The following ABCC3 variants were observed in gnomAD, a reference collection of about 807,000 sequenced individuals.
ABCC3 encodes the protein ATP binding cassette subfamily C member 3.
A neutral mutation model predicts 165.3 loss-of-function variants in ABCC3; 121 were observed. That is an observed-to-expected ratio of 0.73 (90% CI 0.63 to 0.85). The LOEUF (loss-of-function observed/expected upper bound fraction) is 0.85. ABCC3 is among the 40% of genes least tolerant of loss of function. The probability of loss-of-function intolerance (pLI) is 0.00; values close to 1 mark genes in which losing one functional copy is unlikely to be tolerated. For synonymous variants in ABCC3, 733 were observed against 810.1 expected (o/e 0.90, Z 1.62); for missense variants, 1,869 against 1,964.1 (o/e 0.95, Z 0.92).
Position 50,656,798 on chromosome 17 carries a change from G to T in ABCC3, c.319G>T (p.Val107Phe), listed in dbSNP as rs1376253969. The T allele has an allele frequency of 6.2e-7, 1 of 1,613,050 alleles. No homozygotes were observed. Among genetic ancestry groups the T allele is most frequent in the Non-Finnish European group, 8.5e-7 (1 of 1,179,688 alleles). ...HGRAPAPVFF[V>F]TPLVVGVTML... ...CCGGGCCCCTGCCCCTGTTTTCTTT[G>T]TCACCCCCTTGGTGGTGGGGGTCAC... The change falls in exon 3 of 31, where the codon GTC (valine) becomes TTC (phenylalanine). Residue 107 changes from valine (V) to phenylalanine (F), a missense_variant. Coordinates refer to ENST00000285238, the MANE Select transcript of ABCC3 (RefSeq NM_003786.4).
Position 50,659,285 on chromosome 17 carries a change from G to T in ABCC3, c.723G>T (p.Trp241Cys). 6.2e-7 allele frequency: 1 copy of T among 1,613,998 alleles called. No homozygotes were observed. Among genetic ancestry groups the T allele is most frequent in the East Asian group, 2.2e-5 (1 of 44,882 alleles). The change falls in exon 7 of 31, where the codon TGG (tryptophan) becomes TGT (cysteine). Residue 241 changes from tryptophan (W) to cysteine (C), a missense_variant. Coordinates refer to ENST00000285238, the MANE Select transcript of ABCC3 (RefSeq NM_003786.4). The part of the protein sequence containing the change: ...YRHPLEEKDL[W>C]SLKEEDRSQM... ...ATCCCCTGGAGGAGAAGGACCTCTG[G>T]TCCCTAAAGGAAGAGGACAGATCCC...
intron 8 of ABCC3, chr17:50,663,310 G>A (rs996213750): frequency 7.8e-5 from 19 of 244,372 alleles, no homozygotes; most frequent in East Asian, 1.9e-4. Context: ...GTCATGTGGC[G>A]GAATCTAGAG....
At chr17:50,642,808 C>T (rs1966917055) in intron 1 of ABCC3, among the ~76,000 whole-genome samples, 1 of 152,236 alleles carries the variant, frequency 6.6e-6, no homozygotes, top group African/African-American at 2.4e-5. Flanking sequence ...CCCACCATGT[C>T]CCCACGCCTG....
intron 17 of ABCC3, among the ~76,000 whole-genome samples, chr17:50,672,414 C>T (rs949276419): frequency 6.6e-6 from 1 of 152,140 alleles, no homozygotes; most frequent in African/African-American, 2.4e-5. Context: ...CCCATTTATC[C>T]GTAGATGGGT....
chr17:50,689,158 C>T (rs557063796), intron 30 of ABCC3, among the ~76,000 whole-genome samples: 1 of 152,282 alleles, frequency 6.6e-6, no homozygotes, highest in South Asian at 2.1e-4. Context: ...TGCACTCTAG[C>T]CTGGGTGCAG....
chr17:50,682,498 C>T (rs530190195), intron 26 of ABCC3, among the ~76,000 whole-genome samples: 30 of 152,170 alleles, frequency 2.0e-4, no homozygotes, highest in African/African-American at 7.2e-4. Context: ...CAGCCTCTTA[C>T]CTCTTGCCTT....
Position 50,676,409 on chromosome 17 carries a change from C to T in ABCC3, c.3199C>T (p.Arg1067Cys), listed in dbSNP as rs766311637. Reference protein sequence around the residue: ...QSFFDTTPSGRILNCFSKDIY... With the variant: ...QSFFDTTPSGCILNCFSKDIY... ...CTTCTTTGACACCACACCATCAGGC[C>T]GCATCCTGAACTGCTTCTCCAAGGA... The change falls in exon 23 of 31, where the codon CGC becomes TGC. Residue 1067 changes from arginine (R) to cysteine (C), a missense_variant. Arg to Cys is a radical substitution (Grantham distance 180, BLOSUM62 -3). Coordinates refer to ENST00000285238, the MANE Select transcript of ABCC3 (RefSeq NM_003786.4). 83 of 1,614,084 alleles carry T rather than the reference C, an allele frequency of 5.1e-5. No homozygotes were observed. The highest frequency in any genetic ancestry group is 6.7e-5 in the African/African-American group (5 of 74,908).
chr17:50,652,271 G>A (rs1967127332), intron 1 of ABCC3, among the ~76,000 whole-genome samples: 1 of 152,136 alleles, frequency 6.6e-6, no homozygotes, highest in Non-Finnish European at 1.5e-5. Context: ...CATGTTCCAG[G>A]TACAGTAATA....
chr17:50,644,858 A>C (rs1966968705), intron 1 of ABCC3, among the ~76,000 whole-genome samples: 1 of 152,188 alleles, frequency 6.6e-6, no homozygotes, highest in African/African-American at 2.4e-5. Flanking sequence ...CTCTACTAAA[A>C]ATACAAAAAA....
At chr17:50,676,970 C>T (rs759839148) in intron 23 of ABCC3, among the ~76,000 whole-genome samples, 31 of 152,202 alleles carry the variant, frequency 2.0e-4, no homozygotes, top group African/African-American at 2.2e-4. Context: ...CTGTAACCTC[C>T]GCCTCCCAGG....
Position 50,683,633 on chromosome 17 carries a change from C to CCG in ABCC3, c.3833_3834dup (p.Pro1279AlafsTer25). On this transcript the variant is annotated frameshift_variant, in exon 27 of 31. Transcript: ENST00000285238. LOFTEE classifies it high-confidence loss of function. Reference sequence around the variant, plus strand: ...AGGCGCCCTGGGTGGTGGAAGGCAGCCGCCCTCCCGAAGGTTGGCCCCCAC... The same window carrying CCG: ...AGGCGCCCTGGGTGGTGGAAGGCAGCCGCGCCCTCCCGAAGGTTGGCCCCCAC... 6.3e-7 allele frequency: 1 copy of CCG among 1,585,180 alleles called. No individual in the cohort carries two copies. Among genetic ancestry groups the CCG allele is most frequent in the South Asian group, 1.1e-5 (1 of 87,798 alleles).
intron 1 of ABCC3, among the ~76,000 whole-genome samples, chr17:50,647,317 CT>C (rs1235715374): frequency 6.6e-6 from 1 of 152,224 alleles, no homozygotes; most frequent in African/African-American, 2.4e-5. Flanking sequence ...GTCAGGGTAG[CT>C]GGCAGAATGG....
intron 1 of ABCC3, among the ~76,000 whole-genome samples, chr17:50,647,333 G>T (rs1248373323): frequency 6.6e-6 from 1 of 152,254 alleles, no homozygotes; most frequent in Admixed American, 6.5e-5. Flanking sequence ...GAATGGTGAT[G>T]CCCTTGGCAG....
At chr17:50,686,402 C>A (rs1968022189) in intron 29 of ABCC3, among the ~76,000 whole-genome samples, 1 of 152,172 alleles carries the variant, frequency 6.6e-6, no homozygotes, top group African/African-American at 2.4e-5. Context: ...TCACAGCCAC[C>A]TCCCTCACCT....
intron 8 of ABCC3, 125 bp from the exon 9 acceptor site, chr17:50,663,556 G>A: frequency 8.8e-7 from 1 of 1,140,076 alleles, no homozygotes; most frequent in Non-Finnish European, 1.2e-6. Context: ...CCAAGAGGTT[G>A]GAGGGGGTGG....
Position 50,657,126 on chromosome 17 carries a change from G to A in ABCC3, c.429G>A (p.Leu143=). 1 of 1,614,204 alleles carries A rather than the reference G, an allele frequency of 6.2e-7. No homozygotes were observed. The highest frequency in any genetic ancestry group is 8.5e-7 in the Non-Finnish European group (1 of 1,180,024). ...SSGVLIIFWF[L]CVVCAIVPFR... ...GGGTCCTCATTATCTTCTGGTTCCT[G>A]TGTGTGGTCTGCGCCATCGTCCCAT... The change falls in exon 4 of 31, where the codon CTG becomes CTA. Residue 143 remains leucine (L), a synonymous_variant. Transcript: ENST00000285238.
At chr17:50,639,037 T>C (rs151237095) in intron 1 of ABCC3, among the ~76,000 whole-genome samples, 15 of 152,208 alleles carry the variant, frequency 9.9e-5, no homozygotes, top group Non-Finnish European at 1.6e-4. Context: ...AATGTATGAG[T>C]AATGGGCAAG....
chr17:50,675,094 G>A (rs1301075251), intron 19 of ABCC3, among the ~76,000 whole-genome samples: 3 of 152,114 alleles, frequency 2.0e-5, no homozygotes, highest in Middle Eastern at 6.3e-3. Flanking sequence ...CACCATGCCC[G>A]ACCAAGGACG....
At chr17:50,680,066 G>A (rs946551193) in intron 26 of ABCC3, among the ~76,000 whole-genome samples, 167 bp downstream of exon 26, 6 of 152,244 alleles carry the variant, frequency 3.9e-5, no homozygotes, top group African/African-American at 1.4e-4. Context: ...GCTAGGAGGT[G>A]TAGAGAGATC....
Sources: allele counts gnomAD v4.1 joint callset (sites outside exome capture counted in the v4.1 genomes callset), GRCh38; gene constraint gnomAD v4.1.1; transcripts MANE v1.5; gene names NCBI Gene and HGNC (gene_info 2026-07-23, HGNC 2026-07-21).